Variants in F5 observed in about 807,000 individuals in gnomAD.
The protein encoded by F5 is activated protein c cofactor.
A neutral mutation model predicts 216.4 loss-of-function variants in F5; 138 were observed. That is an observed-to-expected ratio of 0.64 (90% CI 0.56 to 0.73). The LOEUF is 0.73. F5 is among the 30% of genes least tolerant of loss of function. F5 has a pLI of 0.00. For synonymous variants in F5, 916 were observed against 930.7 expected (o/e 0.98, Z 0.29); for missense variants, 2,403 against 2,674.0 (o/e 0.90, Z 2.24).
At position 169,513,076 on chromosome 1, in the gene F5, C is replaced by T. The variant is rs979200861; in HGVS notation, c.*1237G>A. Among the ~76,000 whole-genome samples, 21 of 151,390 alleles carry T rather than the reference C, an allele frequency of 1.4e-4. No individual in the cohort carries two copies. The highest frequency in any genetic ancestry group is 1.9e-4 in the East Asian group (1 of 5,168). On this transcript the variant is annotated 3_prime_UTR_variant, in exon 25 of 25. Transcript: ENST00000367797. ...CAGTTTCCATGTAGTTGTGTGGTTT[C>T]GAGTGAGTTTCTTAGTCCTCAGTTC... is the stretch of plus-strand genomic sequence containing the variant.
chr1:169,551,657 T>A (rs1660170299), intron 8 of F5, among the ~76,000 whole-genome samples: 1 of 152,118 alleles, frequency 6.6e-6, no homozygotes, highest in South Asian at 2.1e-4. Flanking sequence ...CACACAGGAG[T>A]CCTAGTTAGG....
intron 8 of F5, among the ~76,000 whole-genome samples, chr1:169,551,853 G>C (rs557861076): frequency 9.9e-5 from 15 of 152,248 alleles, no homozygotes; most frequent in African/African-American, 3.4e-4. Flanking sequence ...AAGGAGAATT[G>C]TCTGAGGAAA....
intron 13 of F5, among the ~76,000 whole-genome samples, chr1:169,539,174 T>C (rs1476607801): frequency 6.6e-6 from 1 of 152,044 alleles, no homozygotes; most frequent in Non-Finnish European, 1.5e-5. Context: ...AGCCAAACAC[T>C]CACCCATCAA....
intron 3 of F5, among the ~76,000 whole-genome samples, chr1:169,571,214 C>T (rs1272065490): frequency 6.6e-6 from 1 of 152,118 alleles, no homozygotes; most frequent in African/African-American, 2.4e-5. Flanking sequence ...ACCATATTAA[C>T]ATCAGGTACT....
At chr1:169,520,461 C>A in intron 22 of F5, 59 bp downstream of exon 22, 2 of 1,605,410 alleles carry the variant, frequency 1.2e-6, no homozygotes, top group East Asian at 4.5e-5. Flanking sequence ...TTCTCCTATA[C>A]CTCCCAAATC....
In F5 at chr1:169,512,739, A is replaced by G. The variant is rs1439913273; in HGVS notation, c.*1574T>C. On this transcript the variant is annotated 3_prime_UTR_variant, in exon 25 of 25. Coordinates refer to ENST00000367797, the MANE Select transcript of F5 (RefSeq NM_000130.5). ...ATATTAGAAAGCCAATGTTTTGTGG[A>G]TGTTTGAAACTCTCATATACATTCA... Among the ~76,000 whole-genome samples, 3 of 152,100 alleles carry G rather than the reference A, an allele frequency of 2.0e-5. No individual in the cohort carries two copies. The highest frequency in any genetic ancestry group is 2.9e-5 in the Non-Finnish European group (2 of 67,982).
At chr1:169,563,705 T>C (rs1334101293) in intron 3 of F5, among the ~76,000 whole-genome samples, 1 of 151,976 alleles carries the variant, frequency 6.6e-6, no homozygotes, top group African/African-American at 2.4e-5. Flanking sequence ...TTACTTTTCA[T>C]GTCAACAATT....
intron 10 of F5, among the ~76,000 whole-genome samples, chr1:169,549,298 T>C (rs1660097637): frequency 6.6e-6 from 1 of 152,240 alleles, no homozygotes; most frequent in South Asian, 2.1e-4. Context: ...TGGGCCATAA[T>C]CTGGGTCCAA....
intron 13 of F5, among the ~76,000 whole-genome samples, chr1:169,539,490 T>C (rs1212838945): frequency 1.3e-5 from 2 of 152,110 alleles, no homozygotes; most frequent in African/African-American, 2.4e-5. Context: ...TGGTATTGAG[T>C]GCAACATTTA....
At chr1:169,523,993 T>C (rs1659371512) in intron 19 of F5, 89 bp from the exon 20 acceptor site, 2 of 1,087,384 alleles carry the variant, frequency 1.8e-6, no homozygotes. Flanking sequence ...GAAAACCAGA[T>C]CCTTGGAGGA....
rs760826827 is a variant in F5, at chr1:169,541,838, C to T, written c.3252G>A (p.Gln1084=). ...AGCCAAAATCCATAGAGGGCAATGT[C>T]TGATTGAGGTCTGTGGGAAGAGATG... ...NETSLPTDLN[Q]TLPSMDFGWI... is the part of the protein sequence containing the mutation. The change falls in exon 13 of 25, where the codon CAG becomes CAA. Residue 1084 remains glutamine, a synonymous_variant. Transcript: ENST00000367797. 2.7e-5 allele frequency: 44 copies of T among 1,613,934 alleles called. No homozygotes were observed. Among genetic ancestry groups the T allele is most frequent in the Non-Finnish European group, 3.6e-5 (42 of 1,180,002 alleles).
At chr1:169,576,724 T>G (rs1389509702) in intron 2 of F5, among the ~76,000 whole-genome samples, 2 of 152,150 alleles carry the variant, frequency 1.3e-5, no homozygotes, top group African/African-American at 2.4e-5. Flanking sequence ...AAGTTTCCAC[T>G]GACTATTCCC....
In F5 at chr1:169,520,596, T is replaced by C. The variant is rs749267878; in HGVS notation, c.6117A>G (p.Arg2039=). 6 of 1,613,916 alleles carry C rather than the reference T, an allele frequency of 3.7e-6. No individual in the cohort carries two copies. In the Admixed American group the frequency reaches 1.0e-4, roughly 27 times the overall value. The part of the protein sequence containing the change: ...ENQFDPPIVA[R]YIRISPTRAY... ...CTCGAGTTGGAGAGATCCTAATATA[T>C]CTAGCCACAATAGGTGGGTCAAACT... The change falls in exon 22 of 25, where the codon AGA becomes AGG. Residue 2039 remains arginine, a synonymous_variant. Coordinates refer to ENST00000367797, the MANE Select transcript of F5 (RefSeq NM_000130.5).
intron 4 of F5, among the ~76,000 whole-genome samples, chr1:169,559,521 G>A (rs1406369150): frequency 6.6e-6 from 1 of 152,136 alleles, no homozygotes; most frequent in African/African-American, 2.4e-5. Context: ...TTGGGGAACA[G>A]GCTTTATTTC....
intron 13 of F5, among the ~76,000 whole-genome samples, chr1:169,538,148 TA>T (rs34635043): frequency 2.0e-5 from 3 of 151,776 alleles, no homozygotes; most frequent in East Asian, 3.8e-4. Context: ...ATTTAGCATT[TA>T]AAAAAAAGAA....
chr1:169,582,280 GGGCCCCACATATTAT>G, intron 2 of F5, 136 bp downstream of exon 2: 1 of 497,116 alleles, frequency 2.0e-6, no homozygotes, highest in East Asian at 3.3e-5. Flanking sequence ...ATTTTGCACT[GGGCCCCACATATTAT>G]GTAGCCAGTA....
chr1:169,581,098 C>T (rs9332504), intron 2 of F5, among the ~76,000 whole-genome samples: 52 of 152,064 alleles, frequency 3.4e-4, no homozygotes, highest in African/African-American at 1.2e-3. Flanking sequence ...GGGTGAGATT[C>T]GAACCCTGGG....
chr1:169,533,928 G>A (rs1000304832), intron 14 of F5, among the ~76,000 whole-genome samples: 3 of 152,108 alleles, frequency 2.0e-5, no homozygotes, highest in African/African-American at 7.2e-5. Context: ...GAAAGAAGAA[G>A]TAAAAACTAA....
chr1:169,546,337 G>C (rs1361314056), intron 11 of F5, 105 bp downstream of exon 11: 1 of 1,338,862 alleles, frequency 7.5e-7, no homozygotes, highest in East Asian at 2.4e-5. Context: ...GATTGGAGGT[G>C]CCCCTTAGCG....
Sources: gnomAD v4.1 joint callset for allele counts (sites outside exome capture counted in the v4.1 genomes callset) on GRCh38, gnomAD v4.1.1 for gene constraint, MANE v1.5 for transcripts, NCBI Gene and HGNC (gene_info 2026-07-23, HGNC 2026-07-21) for gene names.